Variants in PAWR observed in about 807,000 individuals in gnomAD.
PAWR encodes PRKC apoptosis WT1 regulator protein.
A neutral mutation model predicts 32.0 loss-of-function variants in PAWR; 23 were observed. The observed-to-expected ratio is 0.72, with a 90% CI of 0.52 to 1.02. PAWR has a LOEUF of 1.02. Among genes scored for constraint, PAWR ranks in the 50% least tolerant of loss-of-function variants. PAWR has a pLI of 0.00. For missense variants in PAWR, 457 were observed against 437.7 expected, an observed-to-expected ratio of 1.04 and a Z score of -0.39; for synonymous variants, 226 against 187.1, an observed-to-expected ratio of 1.21 and a Z score of -1.70.
intron 2 of PAWR, among the ~76,000 whole-genome samples, chr12:79,666,457 C>G (rs1877607817): frequency 6.6e-6 from 1 of 152,136 alleles, no homozygotes; most frequent in Non-Finnish European, 1.5e-5. Context: ...TCCCCAAGAC[C>G]ATTTCAGAGG....
intron 2 of PAWR, among the ~76,000 whole-genome samples, chr12:79,650,736 AGG>A (rs1876804613): frequency 7.4e-6 from 1 of 134,572 alleles, no homozygotes; most frequent in Non-Finnish European, 1.7e-5. Context: ...AAAAAAAAAA[AGG>A]TACTTACAAA....
At chr12:79,627,063 G>T (rs976382468) in intron 2 of PAWR, among the ~76,000 whole-genome samples, 1 of 152,204 alleles carries the variant, frequency 6.6e-6, no homozygotes, top group East Asian at 1.9e-4. Flanking sequence ...TGTGCATGTG[G>T]CTTTATAGCA....
intron 4 of PAWR, among the ~76,000 whole-genome samples, chr12:79,598,398 T>A (rs1873840377): frequency 6.6e-6 from 1 of 152,228 alleles, no homozygotes; most frequent in South Asian, 2.1e-4. Flanking sequence ...TTTAATGCAA[T>A]TTCAACAAGC....
At chr12:79,639,114 T>C (rs1262901206) in intron 2 of PAWR, among the ~76,000 whole-genome samples, 2 of 150,228 alleles carry the variant, frequency 1.3e-5, no homozygotes, top group East Asian at 4.0e-4. Flanking sequence ...GGTTTCACCA[T>C]GTTGGTCAGG....
At chr12:79,663,526 G>A (rs1048027853) in intron 2 of PAWR, among the ~76,000 whole-genome samples, 1 of 152,154 alleles carries the variant, frequency 6.6e-6, no homozygotes, top group African/African-American at 2.4e-5. Flanking sequence ...GGGAAGCTGA[G>A]GCAGGAGGAT....
chr12:79,625,002 C>T (rs2136725673), intron 2 of PAWR, among the ~76,000 whole-genome samples: 1 of 152,134 alleles, frequency 6.6e-6, no homozygotes, highest in South Asian at 2.1e-4. Context: ...TTCCAAATTC[C>T]ACTCAATAGG....
rs540587059 is a variant in PAWR at position 79,666,620 on chromosome 12, T to C, written c.516+23109A>G. Among the ~76,000 whole-genome samples, 7 of 152,344 alleles carry C rather than the reference T, an allele frequency of 4.6e-5. No individual in the cohort carries two copies. The Middle Eastern group carries it at 0.014, about 296-fold the overall frequency. Reference sequence around the variant, plus strand: ...TGAAGCAGATAGGAGAAACAGGATGTCTTCTTTTCAGCTGAACAATAAAGA... The same window carrying C: ...TGAAGCAGATAGGAGAAACAGGATGCCTTCTTTTCAGCTGAACAATAAAGA... On this transcript the variant is annotated intron_variant, in intron 2 of 6. Coordinates refer to ENST00000328827, the MANE Select transcript of PAWR (RefSeq NM_002583.4).
At chr12:79,661,559 T>C (rs1050966160) in intron 2 of PAWR, among the ~76,000 whole-genome samples, 8 of 152,220 alleles carry the variant, frequency 5.3e-5, no homozygotes, top group African/African-American at 1.9e-4. Flanking sequence ...TTTAAGATAA[T>C]GTTTTAAGCC....
chr12:79,688,675 A>G (rs910199339), intron 2 of PAWR, among the ~76,000 whole-genome samples: 6 of 152,194 alleles, frequency 3.9e-5, no homozygotes, highest in African/African-American at 1.2e-4. Context: ...TCATAATACT[A>G]AAAATTTAGG....
intron 2 of PAWR, among the ~76,000 whole-genome samples, chr12:79,625,228 T>C (rs1875229498): frequency 6.6e-6 from 1 of 152,162 alleles, no homozygotes. Context: ...TTCAGTTGTT[T>C]ATATATTAGG....
At chr12:79,603,859 G>A (rs989802105) in intron 4 of PAWR, 1 of 151,936 alleles carries the variant, frequency 6.6e-6, no homozygotes, top group African/African-American at 2.4e-5. Flanking sequence ...ATTTTTAGTA[G>A]AGATGGGGTT....
chr12:79,677,379 T>C (rs1878221794), intron 2 of PAWR, among the ~76,000 whole-genome samples: 2 of 152,068 alleles, frequency 1.3e-5, no homozygotes, highest in South Asian at 4.1e-4. Context: ...ATAGTCAGAA[T>C]CACTGTCCAA....
At chr12:79,604,978 C>T (rs1874111483) in intron 4 of PAWR, among the ~76,000 whole-genome samples, 1 of 152,042 alleles carries the variant, frequency 6.6e-6, no homozygotes, top group Non-Finnish European at 1.5e-5. Context: ...TATATATCTC[C>T]TCCCAGAAAA....
intron 2 of PAWR, among the ~76,000 whole-genome samples, chr12:79,634,078 CCAAATACAG>C (rs1052721030): frequency 6.6e-6 from 1 of 151,968 alleles, no homozygotes; most frequent in African/African-American, 2.4e-5. Flanking sequence ...ATTGAAATCC[CCAAATACAG>C]TTTAAAAATG....
chr12:79,645,610 C>T (rs1019359639), intron 2 of PAWR, among the ~76,000 whole-genome samples: 25 of 152,306 alleles, frequency 1.6e-4, no homozygotes, highest in African/African-American at 5.8e-4. Flanking sequence ...CTCCTCTGTT[C>T]TCATCTGGGC....
At chr12:79,646,672 G>T (rs1382445495) in intron 2 of PAWR, among the ~76,000 whole-genome samples, 1 of 152,104 alleles carries the variant, frequency 6.6e-6, no homozygotes, top group East Asian at 1.9e-4. Flanking sequence ...AGGAGAAAGA[G>T]AATTATATTC....
At chr12:79,651,956 C>T (rs1451686850) in intron 2 of PAWR, among the ~76,000 whole-genome samples, 4 of 152,126 alleles carry the variant, frequency 2.6e-5, no homozygotes, top group Non-Finnish European at 5.9e-5. Context: ...AACATAGATG[C>T]ACCTTTGAAG....
intron 6 of PAWR, among the ~76,000 whole-genome samples, chr12:79,593,852 A>C (rs1350654733): frequency 6.6e-6 from 1 of 151,264 alleles, no homozygotes; most frequent in Non-Finnish European, 1.5e-5. Flanking sequence ...ACAGGTGCCC[A>C]CCACCATGCC....
intron 2 of PAWR, among the ~76,000 whole-genome samples, chr12:79,633,228 A>G (rs1875799291): frequency 6.6e-6 from 1 of 152,196 alleles, no homozygotes; most frequent in African/African-American, 2.4e-5. Context: ...GCCACAGACT[A>G]GAAGAAAATA....
Sources: allele counts gnomAD v4.1 joint callset (sites outside exome capture counted in the v4.1 genomes callset), GRCh38; gene constraint gnomAD v4.1.1; transcripts MANE v1.5; gene names NCBI Gene and HGNC (gene_info 2026-07-23, HGNC 2026-07-21).